The following CPNE8 variants were observed in gnomAD, a reference collection of about 807,000 sequenced individuals.
CPNE8 encodes copine-8.
Under a neutral mutation model 81.5 loss-of-function variants are expected in CPNE8, and 45 were observed. The observed-to-expected ratio is 0.55, with a 90% CI of 0.44 to 0.71. The LOEUF (loss-of-function observed/expected upper bound fraction) is 0.71, where lower values mean the gene tolerates loss of function less well. Ranked by LOEUF, CPNE8 falls within the 30% of genes least tolerant of loss-of-function variation. The pLI, the probability that CPNE8 is intolerant of heterozygous loss-of-function variation, is 0.00. For missense variants in CPNE8, 594 were observed against 672.1 expected, an observed-to-expected ratio of 0.88 and a Z score of 1.28; for synonymous variants, 252 against 226.3, an observed-to-expected ratio of 1.11 and a Z score of -1.02.
At chr12:38,885,813 T>G (rs191449924) in intron 1 of CPNE8, among the ~76,000 whole-genome samples, 2 of 152,114 alleles carry the variant, frequency 1.3e-5, no homozygotes, top group Admixed American at 1.3e-4. Flanking sequence ...CCCCTTCTGT[T>G]CTTGTGATAG....
chr12:38,763,702 G>A (rs2136857273), intron 8 of CPNE8, among the ~76,000 whole-genome samples: 1 of 152,260 alleles, frequency 6.6e-6, no homozygotes, highest in Admixed American at 6.5e-5. Flanking sequence ...TCCTTCATGT[G>A]AATTTATGCA....
At chr12:38,831,297 A>G (rs1430523912) in intron 5 of CPNE8, among the ~76,000 whole-genome samples, 1 of 152,232 alleles carries the variant, frequency 6.6e-6, no homozygotes, top group African/African-American at 2.4e-5. Flanking sequence ...TAGGGTCATC[A>G]GAAGCAACCA....
intron 3 of CPNE8, among the ~76,000 whole-genome samples, chr12:38,858,800 G>T (rs532417154): frequency 6.6e-6 from 1 of 151,902 alleles, no homozygotes; most frequent in South Asian, 2.1e-4. Flanking sequence ...GTGATACAAG[G>T]ATGATTGAAA....
At chr12:38,876,680 C>T (rs1944071438) in intron 1 of CPNE8, among the ~76,000 whole-genome samples, 1 of 152,120 alleles carries the variant, frequency 6.6e-6, no homozygotes, top group African/African-American at 2.4e-5. Flanking sequence ...CTGAAATTTG[C>T]AATTTAACTT....
At chr12:38,690,317 C>T (rs1460102142) in intron 15 of CPNE8, among the ~76,000 whole-genome samples, 2 of 152,136 alleles carry the variant, frequency 1.3e-5, no homozygotes, top group African/African-American at 4.8e-5. Context: ...ACACAGAATA[C>T]TTCAGCAAGA....
chr12:38,728,493 A>G (rs538482931), intron 11 of CPNE8, among the ~76,000 whole-genome samples: 2 of 152,278 alleles, frequency 1.3e-5, no homozygotes, highest in African/African-American at 4.8e-5. Flanking sequence ...TGGCAGAAGA[A>G]ATAATCAGTA....
intron 14 of CPNE8, 27 bp from the exon 15 acceptor site, chr12:38,693,865 A>G (rs1238181305): frequency 2.6e-6 from 4 of 1,546,576 alleles, no homozygotes; most frequent in Non-Finnish European, 1.7e-6. Context: ...TATTTCAAAC[A>G]TAAGCAATTA....
intron 6 of CPNE8, among the ~76,000 whole-genome samples, chr12:38,817,658 C>G (rs995760316): frequency 6.6e-5 from 8 of 121,256 alleles, no homozygotes; most frequent in Non-Finnish European, 1.1e-4. Context: ...AAGTCTCGCT[C>G]TGTCTCCCAG....
intron 16 of CPNE8, among the ~76,000 whole-genome samples, chr12:38,684,015 A>G (rs1470443099): frequency 6.6e-6 from 1 of 152,178 alleles, no homozygotes; most frequent in African/African-American, 2.4e-5. Flanking sequence ...CTTGGTAAGC[A>G]TTGATGAACA....
intron 6 of CPNE8, among the ~76,000 whole-genome samples, chr12:38,789,349 G>A (rs1942271482): frequency 6.6e-6 from 1 of 151,474 alleles, no homozygotes; most frequent in Non-Finnish European, 1.5e-5. Context: ...CATATACTGG[G>A]GAAAAGACAG....
chr12:38,701,531 T>A (rs2136688325), intron 14 of CPNE8, among the ~76,000 whole-genome samples: 1 of 152,326 alleles, frequency 6.6e-6, no homozygotes, highest in African/African-American at 2.4e-5. Flanking sequence ...AGTCTCACTG[T>A]CACCCAGTTT....
chr12:38,703,067 T>C, intron 13 of CPNE8, 146 bp from the exon 14 acceptor site: 1 of 486,684 alleles, frequency 2.1e-6, no homozygotes, highest in Non-Finnish European at 3.7e-6. Flanking sequence ...TTGGATAGCA[T>C]CAGATAGGCA....
At chr12:38,704,359 T>C (rs1021488350) in intron 13 of CPNE8, among the ~76,000 whole-genome samples, 1 of 152,114 alleles carries the variant, frequency 6.6e-6, no homozygotes, top group African/African-American at 2.4e-5. Flanking sequence ...TCTTTGTGTG[T>C]TTGTGTGTAT....
chr12:38,787,486 TA>T (rs34801044), intron 6 of CPNE8, among the ~76,000 whole-genome samples: 8,235 of 130,320 alleles, frequency 0.063, 227 homozygotes, highest in African/African-American at 0.076. Context: ...GTGCTTCCAT[TA>T]AAAAAAAAAA....
At chr12:38,827,711 A>G (rs759013765) in intron 6 of CPNE8, among the ~76,000 whole-genome samples, 1 of 152,198 alleles carries the variant, frequency 6.6e-6, no homozygotes, top group Non-Finnish European at 1.5e-5. Flanking sequence ...AAGCAAATTG[A>G]CACAGGAACA....
In CPNE8 at chr12:38,883,319, A is replaced by T. The variant is rs74086040; in HGVS notation, c.99-8808T>A. 6.7e-3 allele frequency among the ~76,000 whole-genome samples: 1,024 copies of T among 152,306 alleles called. 11 individuals carry two copies. The highest frequency in any genetic ancestry group is 0.024 in the African/African-American group (984 of 41,544). ...TACACTATTCATCTATATCATTCAGAACAAAATGAAATGAGCTGCAAATAA... is the reference window on the plus strand; with the variant it reads ...TACACTATTCATCTATATCATTCAGTACAAAATGAAATGAGCTGCAAATAA... On this transcript the variant is annotated intron_variant, in intron 1 of 19. Transcript: ENST00000331366.
At chr12:38,877,418 G>A (rs1005561315) in intron 1 of CPNE8, among the ~76,000 whole-genome samples, 1 of 151,772 alleles carries the variant, frequency 6.6e-6, no homozygotes, top group African/African-American at 2.4e-5. Context: ...TCCCTCCATG[G>A]ACTTGTCATC....
chr12:38,867,595 C>G (rs962733061), intron 3 of CPNE8, among the ~76,000 whole-genome samples: 3 of 152,118 alleles, frequency 2.0e-5, no homozygotes, highest in Non-Finnish European at 4.4e-5. Flanking sequence ...GAACCTGGAA[C>G]AAATTCTATA....
intron 6 of CPNE8, among the ~76,000 whole-genome samples, chr12:38,814,991 GC>G (rs1306456041): frequency 7.9e-5 from 12 of 152,076 alleles, no homozygotes; most frequent in South Asian, 4.1e-4. Context: ...GATACTTTCT[GC>G]TTTGGTCACA....
Sources: gnomAD v4.1 joint callset for allele counts (sites outside exome capture counted in the v4.1 genomes callset) on GRCh38, gnomAD v4.1.1 for gene constraint, MANE v1.5 for transcripts, NCBI Gene and HGNC (gene_info 2026-07-23, HGNC 2026-07-21) for gene names.